CPEB3: variants seen among roughly 807,000 people sequenced by gnomAD.
The protein encoded by CPEB3 is cytoplasmic polyadenylation element-binding protein 3.
Under a neutral mutation model 67.2 loss-of-function variants are expected in CPEB3, and 20 were observed. The observed-to-expected ratio is 0.30, with a 90% CI of 0.21 to 0.43. The LOEUF (loss-of-function observed/expected upper bound fraction) is 0.43, where lower values mean the gene tolerates loss of function less well. Ranked by LOEUF, CPEB3 falls within the 20% of genes least tolerant of loss-of-function variation. The probability of loss-of-function intolerance (pLI) is 1.00; values close to 1 mark genes in which losing one functional copy is unlikely to be tolerated. For synonymous variants in CPEB3, 376 were observed against 393.1 expected (o/e 0.96, Z 0.51); for missense variants, 746 against 968.6 (o/e 0.77, Z 3.05).
chr10:92,277,812 A>C (rs910906921), intron 1 of CPEB3, among the ~76,000 whole-genome samples: 3 of 151,830 alleles, frequency 2.0e-5, no homozygotes, highest in Admixed American at 2.0e-4. Flanking sequence ...AATCGCTTGA[A>C]CGCGGGAGGT....
intron 3 of CPEB3, among the ~76,000 whole-genome samples, chr10:92,187,019 T>C (rs930641051): frequency 1.3e-5 from 2 of 152,188 alleles, no homozygotes. Context: ...AGACAGTATA[T>C]TTTTCTGGAA....
intron 4 of CPEB3, among the ~76,000 whole-genome samples, chr10:92,179,911 T>C (rs989397734): frequency 1.3e-5 from 2 of 152,180 alleles, no homozygotes; most frequent in Non-Finnish European, 2.9e-5. Flanking sequence ...AGAAATAATA[T>C]TGTACACAAC....
At chr10:92,177,735 C>T (rs1251917354) in intron 4 of CPEB3, among the ~76,000 whole-genome samples, 2 of 152,108 alleles carry the variant, frequency 1.3e-5, no homozygotes, top group Non-Finnish European at 2.9e-5. Flanking sequence ...GCACTAGGAA[C>T]ACCAAAAAAT....
intron 1 of CPEB3, among the ~76,000 whole-genome samples, chr10:92,260,500 G>A (rs1408172797): frequency 6.6e-6 from 1 of 150,676 alleles, no homozygotes; most frequent in Non-Finnish European, 1.5e-5. Flanking sequence ...TCAGTGAGCC[G>A]GGACCACACC....
intron 2 of CPEB3, among the ~76,000 whole-genome samples, chr10:92,216,134 T>C (rs1473597511): frequency 6.6e-6 from 1 of 151,262 alleles, no homozygotes; most frequent in African/African-American, 2.4e-5. Context: ...TTAAAATCAT[T>C]TAAATATATA....
intron 1 of CPEB3, among the ~76,000 whole-genome samples, chr10:92,255,303 A>T (rs1406953309): frequency 6.6e-6 from 1 of 152,136 alleles, no homozygotes; most frequent in Non-Finnish European, 1.5e-5. Context: ...TCTAGATCTT[A>T]GTTAACTTCC....
chr10:92,191,534 G>GA (rs1848984404), intron 3 of CPEB3, among the ~76,000 whole-genome samples: 1 of 152,142 alleles, frequency 6.6e-6, no homozygotes, highest in Non-Finnish European at 1.5e-5. Flanking sequence ...AGAAAATGAT[G>GA]AAAGAGATTT....
chr10:92,257,125 A>C (rs1852549759), intron 1 of CPEB3, among the ~76,000 whole-genome samples: 1 of 152,230 alleles, frequency 6.6e-6, no homozygotes, highest in South Asian at 2.1e-4. Context: ...GTTTATGAAG[A>C]CATTCCATAT....
chr10:92,174,491 A>G (rs1379770428), intron 4 of CPEB3, among the ~76,000 whole-genome samples: 1 of 152,228 alleles, frequency 6.6e-6, no homozygotes, highest in Non-Finnish European at 1.5e-5. Context: ...ACATTGTTTA[A>G]CAATCAATGA....
chr10:92,261,622 T>C (rs1321637656), intron 1 of CPEB3, among the ~76,000 whole-genome samples: 1 of 152,114 alleles, frequency 6.6e-6, no homozygotes, highest in African/African-American at 2.4e-5. Context: ...AAATTTTTTG[T>C]ATTTTTAGTA....
At chr10:92,290,573 C>G (rs550650065) in intron 1 of CPEB3, among the ~76,000 whole-genome samples, 1 of 152,158 alleles carries the variant, frequency 6.6e-6, no homozygotes, top group Admixed American at 6.5e-5. Context: ...TTTCCTTCCC[C>G]CAACTCCCCA....
At chr10:92,222,026 C>T (rs966029816) in intron 2 of CPEB3, among the ~76,000 whole-genome samples, 3 of 152,056 alleles carry the variant, frequency 2.0e-5, no homozygotes, top group Admixed American at 1.3e-4. Context: ...ATTACCCCAT[C>T]GAAGACGTTC....
rs1852169779 is a variant in CPEB3, at chr10:92,048,363, T to C, written c.*3849A>G. The C allele has an allele frequency of 8.0e-6, 1 of 125,724 alleles. No individual in the cohort carries two copies. The highest frequency in any genetic ancestry group is 3.1e-5 in the African/African-American group (1 of 32,400). 7.8% of individuals were successfully genotyped at this position (125,724 alleles called of 1,614,324 possible). ...AAGGACAGCAGTTGGTGGCAGTTTT[T>C]CTCTCTCTCTCTCTCTCTCTCTCTC... On this transcript the variant is annotated 3_prime_UTR_variant, in exon 10 of 10. Coordinates refer to ENST00000265997, the MANE Select transcript of CPEB3 (RefSeq NM_014912.5). The surrounding 1 kb of genome is among the most constrained non-coding windows in gnomAD (Gnocchi z 4.1).
At chr10:92,172,299 A>C (rs983762854) in intron 4 of CPEB3, among the ~76,000 whole-genome samples, 1 of 152,130 alleles carries the variant, frequency 6.6e-6, no homozygotes, top group African/African-American at 2.4e-5. Flanking sequence ...AGACAACAAC[A>C]ACAAAAAAAA....
At chr10:92,272,339 T>C (rs992816390) in intron 1 of CPEB3, 1 of 152,182 alleles carries the variant, frequency 6.6e-6, no homozygotes, top group African/African-American at 2.4e-5. Context: ...CAGGCTCAGG[T>C]ACCTTTCCTG....
chr10:92,203,414 ATG>A (rs1491166443), intron 2 of CPEB3, among the ~76,000 whole-genome samples: 1 of 146,174 alleles, frequency 6.8e-6, no homozygotes, highest in Non-Finnish European at 1.5e-5. Context: ...ATATATGTAT[ATG>A]TATATATATA....
intron 9 of CPEB3, among the ~76,000 whole-genome samples, chr10:92,076,836 A>AGG (rs1842954619): frequency 1.4e-5 from 1 of 72,810 alleles, no homozygotes; most frequent in East Asian, 6.9e-4. Context: ...GAGGAGGAGG[A>AGG]AAGAAAGAGA....
At chr10:92,137,620 G>A (rs1846166162) in intron 6 of CPEB3, 32 of 651,976 alleles carry the variant, frequency 4.9e-5, no homozygotes, top group South Asian at 4.8e-4. Flanking sequence ...GGAACATGAG[G>A]AGTGGAAACT....
intron 1 of CPEB3, among the ~76,000 whole-genome samples, chr10:92,275,562 A>C (rs892571287): frequency 2.0e-5 from 3 of 152,164 alleles, no homozygotes; most frequent in Non-Finnish European, 4.4e-5. Context: ...CACTCACTTA[A>C]AGTGTACAAT....
Sources: gnomAD v4.1 joint callset for allele counts (sites outside exome capture counted in the v4.1 genomes callset) on GRCh38, gnomAD v4.1.1 for gene constraint, Gnocchi (gnomAD v3.1) non-coding constraint, MANE v1.5 for transcripts, NCBI Gene and HGNC (gene_info 2026-07-23, HGNC 2026-07-21) for gene names.